Variants in RASSF3 observed in about 807,000 individuals in gnomAD.
The protein encoded by RASSF3 is Ras association domain family member 3, also known as ras association domain-containing protein 3.
Under a neutral mutation model 19.9 loss-of-function variants are expected in RASSF3, and 19 were observed. That is an observed-to-expected ratio of 0.96 (90% CI 0.67 to 1.40). The LOEUF (loss-of-function observed/expected upper bound fraction) is 1.40, where lower values mean the gene tolerates loss of function less well. RASSF3 is among the 40% of genes most tolerant of loss of function. The probability of loss-of-function intolerance (pLI) is 0.00; values close to 1 mark genes in which losing one functional copy is unlikely to be tolerated. For missense variants in RASSF3, 306 were observed against 289.8 expected, an observed-to-expected ratio of 1.06 and a Z score of -0.41; for synonymous variants, 110 against 104.2, an observed-to-expected ratio of 1.06 and a Z score of -0.34.
At chr12:64,680,003 G>A (rs902713613) in intron 1 of RASSF3, among the ~76,000 whole-genome samples, 1 of 152,060 alleles carries the variant, frequency 6.6e-6, no homozygotes, top group African/African-American at 2.4e-5. Context: ...TTCCACGTCC[G>A]CTGCACCATT....
chr12:64,638,646 A>T (rs1871408688), intron 1 of RASSF3, among the ~76,000 whole-genome samples: 1 of 151,640 alleles, frequency 6.6e-6, no homozygotes. Flanking sequence ...AAAACATTGC[A>T]TCATAGTTGA....
chr12:64,691,972 T>C (rs1868293560), intron 4 of RASSF3, among the ~76,000 whole-genome samples: 1 of 152,244 alleles, frequency 6.6e-6, no homozygotes, highest in Admixed American at 6.5e-5. Context: ...GTCTCCAGGC[T>C]AATTCCCTTC....
At chr12:64,647,794 C>G (rs1273862562) in intron 1 of RASSF3, among the ~76,000 whole-genome samples, 1 of 152,112 alleles carries the variant, frequency 6.6e-6, no homozygotes, top group African/African-American at 2.4e-5. Flanking sequence ...AAGCAGTCCT[C>G]CCATCTCAGC....
chr12:64,613,935 G>A (rs1439630588), intron 1 of RASSF3, among the ~76,000 whole-genome samples: 5 of 152,156 alleles, frequency 3.3e-5, no homozygotes, highest in African/African-American at 1.2e-4. Context: ...GCAACAGAGC[G>A]AGACCCTGTC....
At chr12:64,603,757 T>C (rs1285651225) in intron 2 of RASSF3, among the ~76,000 whole-genome samples, 2 of 152,234 alleles carry the variant, frequency 1.3e-5, no homozygotes, top group Non-Finnish European at 2.9e-5. Context: ...CCTTTCCAGA[T>C]GTAGAACTGA....
At chr12:64,691,339 G>A in intron 3 of RASSF3, 131 bp from the exon 4 acceptor site, 1 of 655,810 alleles carries the variant, frequency 1.5e-6, no homozygotes, top group East Asian at 2.7e-5. Flanking sequence ...ATAATAAGAT[G>A]AGCCGACTGG....
At chr12:64,554,977 C>G (rs1869232544) in intron 2 of RASSF3, among the ~76,000 whole-genome samples, 1 of 152,124 alleles carries the variant, frequency 6.6e-6, no homozygotes, top group South Asian at 2.1e-4. Flanking sequence ...CTTATGGTGG[C>G]TCATGCCTGT....
Position 64,534,752 on chromosome 12 carries a change from T to C in RASSF3, c.67+1418T>C, listed in dbSNP as rs1282712287. ...GTGGAATGGACTTGGAGAGGAATTC[T>C]ACCTGATCTTAAGCCATGACCTGCT... On this transcript the variant is annotated intron_variant, in intron 1 of 1. Transcript: ENST00000636333. 5.9e-5 allele frequency among the ~76,000 whole-genome samples: 9 copies of C among 152,298 alleles called. No individual in the cohort carries two copies. The South Asian group carries it at 1.9e-3, about 32-fold the overall frequency.
chr12:64,568,271 G>A (rs1176386341), intron 2 of RASSF3, among the ~76,000 whole-genome samples: 1 of 152,200 alleles, frequency 6.6e-6, no homozygotes, highest in Non-Finnish European at 1.5e-5. Context: ...GACCTCAGAT[G>A]ATCCACCTGC....
chr12:64,608,110 A>T (rs1238980959), upstream of RASSF3, among the ~76,000 whole-genome samples: 5 of 151,414 alleles, frequency 3.3e-5, no homozygotes, highest in East Asian at 9.8e-4. Context: ...TTTAGAGAAA[A>T]GGTCTCACTA....
intron 1 of RASSF3, among the ~76,000 whole-genome samples, chr12:64,626,767 G>A (rs1871011605): frequency 6.6e-6 from 1 of 152,092 alleles, no homozygotes; most frequent in Non-Finnish European, 1.5e-5. Context: ...GTCTTGCTGT[G>A]TTGCCCAGGC....
intron 2 of RASSF3, among the ~76,000 whole-genome samples, chr12:64,588,563 A>C (rs958282757): frequency 1.7e-4 from 26 of 151,778 alleles, no homozygotes; most frequent in African/African-American, 6.0e-4. Flanking sequence ...GTATATAATA[A>C]ATAAAATATA....
chr12:64,572,481 G>A (rs1029754531), intron 2 of RASSF3, among the ~76,000 whole-genome samples: 23 of 152,272 alleles, frequency 1.5e-4, no homozygotes, highest in African/African-American at 5.3e-4. Flanking sequence ...GAGCTGGGAG[G>A]CAATAACTTT....
intron 1 of RASSF3, among the ~76,000 whole-genome samples, chr12:64,642,361 A>C (rs146239264): frequency 0.064 from 9,747 of 151,810 alleles, 377 homozygotes; most frequent in Non-Finnish European, 0.09. Context: ...GGAGTTCAAG[A>C]CAAGCCTGGC....
chr12:64,685,843 G>A (rs185100469), intron 2 of RASSF3, among the ~76,000 whole-genome samples: 6 of 152,302 alleles, frequency 3.9e-5, no homozygotes, highest in Admixed American at 2.0e-4. Flanking sequence ...TCTAGGTCTC[G>A]CCTACCCATT....
intron 1 of RASSF3, among the ~76,000 whole-genome samples, chr12:64,662,768 A>G (rs1051143681): frequency 6.6e-6 from 1 of 152,150 alleles, no homozygotes; most frequent in African/African-American, 2.4e-5. Flanking sequence ...TCCAGACCCC[A>G]TCCCGTGTTG....
chr12:64,583,649 G>A (rs1565843358), intron 2 of RASSF3, among the ~76,000 whole-genome samples: 1 of 151,994 alleles, frequency 6.6e-6, no homozygotes. Flanking sequence ...AAACACCAGC[G>A]TTTCAGTCAT....
rs116442198 is a variant in RASSF3, at chr12:64,518,666, T to C, written c.169+11337T>C. ...TGCGGCCAGATGAGTCTGAGAAGCA[T>C]TGTATACTTGATTTCCTCCTCGGAG... is the stretch of plus-strand genomic sequence containing the variant. On this transcript the variant is annotated intron_variant, in intron 1 of 5. Coordinates refer to the RASSF3 transcript ENST00000637125. Among the ~76,000 whole-genome samples the C allele has an allele frequency of 3.4e-3, 511 of 152,322 alleles. 1 individual carries two copies. Among genetic ancestry groups the C allele is most frequent in the African/African-American group, 0.012 (496 of 41,576 alleles).
intron 2 of RASSF3, among the ~76,000 whole-genome samples, chr12:64,585,892 C>T (rs1290553974): frequency 1.3e-5 from 2 of 152,140 alleles, no homozygotes; most frequent in African/African-American, 4.8e-5. Flanking sequence ...AGGCATGAGC[C>T]GGTGCACCTG....
Sources: gnomAD v4.1 joint callset for allele counts (sites outside exome capture counted in the v4.1 genomes callset) on GRCh38, gnomAD v4.1.1 for gene constraint, MANE v1.5 for transcripts, NCBI Gene and HGNC (gene_info 2026-07-23, HGNC 2026-07-21) for gene names.